The following GALNT16 variants were observed in gnomAD, a reference collection of about 807,000 sequenced individuals.
GALNT16 encodes the protein UDP-GalNAc:polypeptide N-acetylgalactosaminyltransferase-like protein 1.
GALNT16 carries 40 observed loss-of-function variants against 76.1 expected under a neutral mutation model. The ratio of observed to expected loss-of-function variants is 0.53; its 90% confidence interval spans 0.41 to 0.68. The LOEUF (loss-of-function observed/expected upper bound fraction) is 0.68. Ranked by LOEUF, GALNT16 falls within the 30% of genes least tolerant of loss-of-function variation. The pLI is 0.00. For missense variants in GALNT16, 621 were observed against 731.9 expected, an observed-to-expected ratio of 0.85 and a Z score of 1.75; for synonymous variants, 276 against 285.2, an observed-to-expected ratio of 0.97 and a Z score of 0.32.
chr14:69,348,290 A>G (rs767041863), intron 14 of GALNT16: 10 of 564,498 alleles, frequency 1.8e-5, no homozygotes, highest in Non-Finnish European at 2.5e-5. Flanking sequence ...CCTGACAACC[A>G]CCACAGTTCA....
At chr14:69,316,647 C>A (rs966635135) in intron 1 of GALNT16, among the ~76,000 whole-genome samples, 2 of 152,040 alleles carry the variant, frequency 1.3e-5, no homozygotes, top group Non-Finnish European at 2.9e-5. Flanking sequence ...CACAGAGGAG[C>A]CTTCCACAGA....
rs1468308219 is a variant in GALNT16 at position 69,341,131 on chromosome 14, T to G, written c.1188-550T>G. Among the ~76,000 whole-genome samples the G allele has an allele frequency of 2.6e-5, 4 of 152,182 alleles. No individual in the cohort carries two copies. The South Asian group carries it at 6.2e-4, about 24-fold the overall frequency. ...CACAAAAGCCTTCTGAGATGAGTGG[T>G]CGTGTCCCCAGTTGAATGTAGAGGA... On this transcript the variant is annotated intron_variant, in intron 11 of 14. Transcript: ENST00000448469.
chr14:69,297,642 AC>A (rs1195636393), intron 1 of GALNT16, among the ~76,000 whole-genome samples: 1 of 151,456 alleles, frequency 6.6e-6, no homozygotes, highest in African/African-American at 2.4e-5. Flanking sequence ...AAAAAAAAAA[AC>A]AAACTACAAA....
At chr14:69,379,096 T>C in the GALNT16 span, among the ~76,000 whole-genome samples, 4 of 152,112 alleles carry the variant, frequency 2.6e-5, no homozygotes, top group South Asian at 8.3e-4. Context: ...TGTGCCACCA[T>C]GCCCGGCTAC....
chr14:69,273,677 T>C (rs2044434665), intron 1 of GALNT16, among the ~76,000 whole-genome samples: 1 of 152,214 alleles, frequency 6.6e-6, no homozygotes, highest in African/African-American at 2.4e-5. Flanking sequence ...CTCATCTCCT[T>C]GGGCCAGAAT....
chr14:69,279,124 G>T (rs1774776015), intron 1 of GALNT16, among the ~76,000 whole-genome samples: 1 of 152,018 alleles, frequency 6.6e-6, no homozygotes, highest in African/African-American at 2.4e-5. Flanking sequence ...TAGTGATGGG[G>T]TTTCACCATG....
chr14:69,373,717 TTTTTTCTTTCTCTTC>T, the GALNT16 span, among the ~76,000 whole-genome samples: 7 of 151,922 alleles, frequency 4.6e-5, no homozygotes, highest in African/African-American at 7.3e-5. Context: ...TTTTCTTTTC[TTTTTTCTTTCTCTTC>T]TTTTTCTTTC....
chr14:69,301,533 C>G (rs1223280416), intron 1 of GALNT16, among the ~76,000 whole-genome samples: 1 of 151,924 alleles, frequency 6.6e-6, no homozygotes, highest in East Asian at 1.9e-4. Context: ...TTTGTATTTT[C>G]AGTAGAGACA....
chr14:69,299,228 A>G (rs912272069), intron 1 of GALNT16, among the ~76,000 whole-genome samples: 1 of 152,082 alleles, frequency 6.6e-6, no homozygotes, highest in African/African-American at 2.4e-5. Flanking sequence ...CTCTCCTTTC[A>G]TTCTTTCTTG....
At chr14:69,291,259 A>G (rs187823044) in intron 1 of GALNT16, among the ~76,000 whole-genome samples, 1 of 152,318 alleles carries the variant, frequency 6.6e-6, no homozygotes, top group Admixed American at 6.5e-5. Context: ...ATGCCGCTGC[A>G]CTCCAGCCTG....
chr14:69,277,876 C>A (rs551733232), intron 1 of GALNT16, among the ~76,000 whole-genome samples: 1 of 152,356 alleles, frequency 6.6e-6, no homozygotes, highest in East Asian at 1.9e-4. Flanking sequence ...CACATCCTCT[C>A]CAGCACCTGT....
Position 69,320,726 on chromosome 14 carries a change from T to C in GALNT16, c.193T>C (p.Ser65Pro), listed in dbSNP as rs2045167302. The C allele has an allele frequency of 1.2e-6, 2 of 1,613,772 alleles. No individual in the cohort carries two copies. Among genetic ancestry groups the C allele is most frequent in the Admixed American group, 1.7e-5 (1 of 59,978 alleles). Residue 65 changes from serine (S) to proline (P), a missense_variant, in exon 2 of 15, where the codon TCG (serine) becomes CCG (proline). By Grantham distance (74) the Ser-to-Pro change is moderately conservative. Coordinates refer to ENST00000448469, the MANE Select transcript of GALNT16 (RefSeq NM_001168368.2). Reference sequence around the variant, plus strand: ...TTCATCTCAGGTGACAGGAACTCCCTCGAAAGGCTTTGATGAGAAGGCCTA... The same window carrying C: ...TTCATCTCAGGTGACAGGAACTCCCCCGAAAGGCTTTGATGAGAAGGCCTA... ...TIPLIVTGTP[S>P]KGFDEKAYLS...
chr14:69,346,674 T>C (rs1450914942), intron 12 of GALNT16, among the ~76,000 whole-genome samples: 1 of 152,172 alleles, frequency 6.6e-6, no homozygotes, highest in African/African-American at 2.4e-5. Context: ...TCCCTGTCAT[T>C]TTGGGATTGA....
At chr14:69,305,413 T>A (rs78121487) in intron 1 of GALNT16, among the ~76,000 whole-genome samples, 9,921 of 152,222 alleles carry the variant, frequency 0.065, 603 homozygotes, top group East Asian at 0.32. Flanking sequence ...TCCACCTGCC[T>A]TGGCCTACCA....
chr14:69,370,972 T>C, the GALNT16 span, among the ~76,000 whole-genome samples: 9 of 152,226 alleles, frequency 5.9e-5, no homozygotes, highest in Admixed American at 5.9e-4. Context: ...TTTCTTGAAA[T>C]AGCTTGATAC....
chr14:69,322,454 G>A (rs572122397), intron 2 of GALNT16, among the ~76,000 whole-genome samples: 6 of 152,360 alleles, frequency 3.9e-5, no homozygotes, highest in African/African-American at 1.4e-4. Context: ...CAGCTTACCT[G>A]ACTCTGAACC....
intron 1 of GALNT16, among the ~76,000 whole-genome samples, chr14:69,310,295 T>C (rs2044998436): frequency 1.3e-5 from 2 of 152,234 alleles, no homozygotes; most frequent in Middle Eastern, 3.4e-3. Context: ...GTAGTTTTTT[T>C]TTCAGATTTT....
Position 69,320,882 on chromosome 14 carries a change from C to T in GALNT16, c.335+14C>T, listed in dbSNP as rs752376927. ...CCGCCATTACAGGTACGGCCTCCAT[C>T]GTGTCAGTGGAGGAAGAAAGACTGA... is the stretch of plus-strand genomic sequence containing the variant. On this transcript the variant is annotated intron_variant, in intron 2 of 14. Coordinates refer to ENST00000448469, the MANE Select transcript of GALNT16 (RefSeq NM_001168368.2). 40 of 1,610,380 alleles carry T rather than the reference C, an allele frequency of 2.5e-5. No individual in the cohort carries two copies. The highest frequency in any genetic ancestry group is 1.7e-4 in the Admixed American group (10 of 59,416).
chr14:69,321,015 T>A (rs1205248636), intron 2 of GALNT16, 147 bp downstream of exon 2: 1 of 876,216 alleles, frequency 1.1e-6, no homozygotes, highest in African/African-American at 1.7e-5. Flanking sequence ...ACCCTCACCC[T>A]CTGTTGCTGG....
Sources: allele counts gnomAD v4.1 joint callset (sites outside exome capture counted in the v4.1 genomes callset), GRCh38; gene constraint gnomAD v4.1.1; transcripts MANE v1.5; gene names NCBI Gene and HGNC (gene_info 2026-07-23, HGNC 2026-07-21).